Variants in CCHCR1 observed in about 807,000 individuals in gnomAD.
CCHCR1 encodes HCR (a-helix coiled-coil rod homologue).
A neutral mutation model predicts 114.6 loss-of-function variants in CCHCR1; 91 were observed. That is an observed-to-expected ratio of 0.79 (90% confidence interval 0.67 to 0.94). CCHCR1 has a LOEUF of 0.94. Among genes scored for constraint, CCHCR1 ranks in the 40% least tolerant of loss-of-function variants. The pLI is 0.00. For synonymous variants in CCHCR1, 379 were observed against 428.5 expected (o/e 0.88, Z 1.43); for missense variants, 899 against 1,079.9 (o/e 0.83, Z 2.35).
chr6:31,156,631 C>T (rs1430737879), intron 3 of CCHCR1, 100 bp downstream of exon 3: 8 of 965,736 alleles, frequency 8.3e-6, no homozygotes, highest in East Asian at 2.4e-5. Context: ...AAAATGAGTA[C>T]GTTCTGGAAA....
chr6:31,150,598 G>T lies in CCHCR1; in HGVS notation c.1102-33C>A. 2 of 1,596,312 alleles carry T rather than the reference G, an allele frequency of 1.3e-6. No individual in the cohort carries two copies. ...CAGAGGAAAGCAGCCCCTCTGTAGG[G>T]CCTCCATGCCGCCTTAGGTACCACC... On this transcript the variant is annotated intron_variant, in intron 6 of 17. Transcript: ENST00000396268. This position sits in a 1 kb window ranked among gnomAD's most constrained non-coding sequence, Gnocchi z 5.3.
chr6:31,152,279 C>T (rs1775342401), intron 4 of CCHCR1, among the ~76,000 whole-genome samples: 1 of 60,776 alleles, frequency 1.6e-5, no homozygotes, highest in African/African-American at 6.1e-5. Context: ...GAGACTCCAT[C>T]TCAAAAAAAA....
chr6:31,142,986 A>C lies in CCHCR1; in HGVS notation c.2468T>G (p.Val823Gly), dbSNP rs771541490. The C allele has an allele frequency of 3.1e-6, 5 of 1,612,696 alleles. No homozygotes were observed. The highest frequency in any genetic ancestry group is 1.7e-5 in the Admixed American group (1 of 60,000). ...ACCTTTTATGGACTCCCTGGTGGGCACTGCTGCTGCTACAGGTGCAGATGC... is the reference window on the plus strand; with the variant it reads ...ACCTTTTATGGACTCCCTGGTGGGCCCTGCTGCTGCTACAGGTGCAGATGC... ...CSASAPVAAA[V>G]PTRESIKGSL... The change falls in exon 17 of 18, where the codon GTG (valine) becomes GGG (glycine). Residue 823 changes from valine (V) to glycine (G), a missense_variant. Transcript: ENST00000396268.
Position 31,150,066 on chromosome 6 carries a change from C to T in CCHCR1, c.1362G>A (p.Gln454=). 1 of 1,614,158 alleles carries T rather than the reference C, an allele frequency of 6.2e-7. No individual in the cohort carries two copies. The highest frequency in any genetic ancestry group is 8.5e-7 in the Non-Finnish European group (1 of 1,180,014). ...CCGGGAGAAAAGAGAGTGCAGTGAC[C>T]TGTCCCTTCAGCTGCTTAACAGAGT... ...HSDSVKQLKG[Q]VASLQEKVTS... The change falls in exon 8 of 18, where the codon CAG becomes CAA. Residue 454 remains glutamine, a splice_region_variant and synonymous_variant. Transcript: ENST00000396268. The surrounding 1 kb of genome is among the most constrained non-coding windows in gnomAD (Gnocchi z 5.3).
intron 10 of CCHCR1, among the ~76,000 whole-genome samples, chr6:31,146,524 G>A (rs1024284331): frequency 2.0e-5 from 3 of 152,056 alleles, no homozygotes; most frequent in African/African-American, 2.4e-5. Flanking sequence ...GTCTGGGGCC[G>A]GGCTGGGGTT....
Position 31,154,348 on chromosome 6 carries a change from GGCCATGTGTGTTTATTTTC to G in CCHCR1, c.801+129_801+147del, listed in dbSNP as rs1581964011. On this transcript the variant is annotated intron_variant, in intron 4 of 17. Coordinates refer to ENST00000396268, the MANE Select transcript of CCHCR1 (RefSeq NM_001105564.2). This position sits in a 1 kb window ranked among gnomAD's most constrained non-coding sequence, Gnocchi z 4.1. ...AGTACCCAAATTCTCCATCTTTCTA[GGCCATGTGTGTTTATTTTC>G]ACCAAAGGTCTCATCACTCTACTAC... 2.9e-6 allele frequency: 2 copies of G among 683,206 alleles called. No individual in the cohort carries two copies. The highest frequency in any genetic ancestry group is 5.1e-5 in the East Asian group (2 of 38,848). The allele number at this position is 683,206 out of a possible 1,614,324, so 42.3% of individuals were successfully genotyped here.
In CCHCR1 at chr6:31,144,857, A is replaced by G. The variant is rs770431424; in HGVS notation, c.2065+28T>C. The G allele has an allele frequency of 2.5e-5, 41 of 1,611,660 alleles. No individual in the cohort carries two copies. Among genetic ancestry groups the G allele is most frequent in the Non-Finnish European group, 3.3e-5 (39 of 1,178,186 alleles). The stretch of plus-strand genomic sequence containing the variant: ...TTCGCAGTTCCCACCCCACCCTCCA[A>G]GGGAAGCACCCATTTCCCTCTCGAC... On this transcript the variant is annotated intron_variant, in intron 14 of 17. Transcript: ENST00000396268. The surrounding 1 kb of genome is among the most constrained non-coding windows in gnomAD (Gnocchi z 4.6).
At position 31,144,249 on chromosome 6, in the gene CCHCR1, A is replaced by G. The variant is rs923414529; in HGVS notation, c.2167+438T>C. Among the ~76,000 whole-genome samples the G allele has an allele frequency of 6.6e-5, 10 of 152,110 alleles. No homozygotes were observed. Among genetic ancestry groups the G allele is most frequent in the African/African-American group, 2.2e-4 (9 of 41,420 alleles). The stretch of plus-strand genomic sequence containing the variant: ...TTCTCTATCACCCAGGCTTGAGTGC[A>G]GTGGCACAATCTTGGCTCACTGCAG... On this transcript the variant is annotated intron_variant, in intron 15 of 17. Transcript: ENST00000396268. This position sits in a 1 kb window ranked among gnomAD's most constrained non-coding sequence, Gnocchi z 4.6.
intron 3 of CCHCR1, 61 bp downstream of exon 3, chr6:31,156,670 T>C: frequency 7.0e-7 from 1 of 1,426,286 alleles, no homozygotes; most frequent in Non-Finnish European, 9.7e-7. Flanking sequence ...AAGGAGTTTA[T>C]TCCAGTGAGG....
intron 10 of CCHCR1, among the ~76,000 whole-genome samples, chr6:31,147,541 T>C (rs1441290365): frequency 6.6e-6 from 1 of 152,036 alleles, no homozygotes; most frequent in Non-Finnish European, 1.5e-5. Flanking sequence ...TTGTAGGTAA[T>C]GAAACAACTA....
Position 31,151,154 on chromosome 6 carries a change from T to C in CCHCR1, c.802-32A>G. On this transcript the variant is annotated intron_variant, in intron 4 of 17. Coordinates refer to ENST00000396268, the MANE Select transcript of CCHCR1 (RefSeq NM_001105564.2). This position sits in a 1 kb window ranked among gnomAD's most constrained non-coding sequence, Gnocchi z 4.1. Reference sequence around the variant, plus strand: ...AAAGAAGAGGGGGCTCAGCAGAGGCTCGACCCCACATGGAGGCCTTCCTTG... The same window carrying C: ...AAAGAAGAGGGGGCTCAGCAGAGGCCCGACCCCACATGGAGGCCTTCCTTG... The C allele has an allele frequency of 6.3e-7, 1 of 1,596,718 alleles. No individual in the cohort carries two copies. The highest frequency in any genetic ancestry group is 8.5e-7 in the Non-Finnish European group (1 of 1,172,748).
chr6:31,145,074 C>A lies in CCHCR1; in HGVS notation c.1877-1G>T. 6.2e-7 allele frequency: 1 copy of A among 1,600,058 alleles called. No individual in the cohort carries two copies. Among genetic ancestry groups the A allele is most frequent in the Non-Finnish European group, 8.5e-7 (1 of 1,176,462 alleles). On this transcript the variant is annotated splice_acceptor_variant, in intron 13 of 17. Coordinates refer to ENST00000396268, the MANE Select transcript of CCHCR1 (RefSeq NM_001105564.2). LOFTEE classifies it high-confidence loss of function. ...CTCAGCTGCTGCCGCTCTGCCTCCC[C>A]TAAAAGGAGGGGGTGCTGGGTCAGG...
At chr6:31,142,805 G>C in intron 17 of CCHCR1, 89 bp from the exon 18 acceptor site, 2 of 1,540,902 alleles carry the variant, frequency 1.3e-6, no homozygotes, top group Non-Finnish European at 1.8e-6. Flanking sequence ...AATGAGGAAT[G>C]GGAGAGAGGA....
rs1417373769 is a variant in CCHCR1 at position 31,150,469 on chromosome 6, C to T, written c.1198G>A (p.Glu400Lys). The stretch of plus-strand genomic sequence containing the variant: ...TTGGGCTGTACCTTCCTGGTCAGCT[C>T]CTCCTCCTGCAGGGCGAGGATGTGT... ...LTHILALQEE[E>K]LTRKVQPSDS... Residue 400 changes from glutamate (E) to lysine (K), a missense_variant, in exon 7 of 18, where the codon GAG becomes AAG. Coordinates refer to ENST00000396268, the MANE Select transcript of CCHCR1 (RefSeq NM_001105564.2). This position sits in a 1 kb window ranked among gnomAD's most constrained non-coding sequence, Gnocchi z 5.3. 6.8e-6 allele frequency: 11 copies of T among 1,611,888 alleles called. No individual in the cohort carries two copies. Among genetic ancestry groups the T allele is most frequent in the Non-Finnish European group, 9.3e-6 (11 of 1,179,586 alleles).
Position 31,142,943 on chromosome 6 carries a change from C to G in CCHCR1, c.2491+20G>C. ...AAGTGCGCGCATTTGTCCCTTGTCC[C>G]TTTGTGCTTGGCCCAAGACCTTTTA... On this transcript the variant is annotated intron_variant, in intron 17 of 17. Transcript: ENST00000396268. 1 of 1,609,094 alleles carries G rather than the reference C, an allele frequency of 6.2e-7. No individual in the cohort carries two copies. The highest frequency in any genetic ancestry group is 2.2e-5 in the East Asian group (1 of 44,868).
At chr6:31,153,064 G>C (rs9263774) in intron 4 of CCHCR1, among the ~76,000 whole-genome samples, 22,186 of 152,050 alleles carry the variant, frequency 0.15, 1,736 homozygotes, top group African/African-American at 0.16. Context: ...TGTAACCTCT[G>C]TCTCCCAGGT....
Position 31,143,211 on chromosome 6 carries a change from C to T in CCHCR1, c.2319+51G>A, listed in dbSNP as rs1263256033. 1.9e-6 allele frequency: 3 copies of T among 1,610,696 alleles called. No individual in the cohort carries two copies. Among genetic ancestry groups the T allele is most frequent in the Non-Finnish European group, 1.7e-6 (2 of 1,178,826 alleles). On this transcript the variant is annotated intron_variant, in intron 16 of 17. Transcript: ENST00000396268. This position sits in a 1 kb window ranked among gnomAD's most constrained non-coding sequence, Gnocchi z 5.3. ...TCTTTCCACACCTCTAGCCCAGGAA[C>T]CAGCCCAGGATGGGCCCTAGTGTCT... is the stretch of plus-strand genomic sequence containing the variant.
At position 31,150,241 on chromosome 6, in the gene CCHCR1, G is replaced by C. The variant is rs941837054; in HGVS notation, c.1213-26C>G. On this transcript the variant is annotated intron_variant, in intron 7 of 17. Transcript: ENST00000396268. This position sits in a 1 kb window ranked among gnomAD's most constrained non-coding sequence, Gnocchi z 5.3. ...CTGAGGGAGAAGGAGTGGGAGAAAA[G>C]TGTGGGCTCCTGGGGGAGGAGAGGA... 6.2e-7 allele frequency: 1 copy of C among 1,612,706 alleles called. No homozygotes were observed. Among genetic ancestry groups the C allele is most frequent in the Non-Finnish European group, 8.5e-7 (1 of 1,179,064 alleles).
Position 31,145,316 on chromosome 6 carries a change from G to A in CCHCR1, c.1740-14C>T. ...GGTAGGGGACAGCTGGGACGGGGAA[G>A]AGAAAGAGTCAGAAGAAATCACCCA... On this transcript the variant is annotated splice_polypyrimidine_tract_variant and intron_variant, in intron 12 of 17. Transcript: ENST00000396268. 6.2e-7 allele frequency: 1 copy of A among 1,613,792 alleles called. No individual in the cohort carries two copies. The highest frequency in any genetic ancestry group is 1.3e-5 in the African/African-American group (1 of 75,042).
Sources: allele counts gnomAD v4.1 joint callset (sites outside exome capture counted in the v4.1 genomes callset), GRCh38; gene constraint gnomAD v4.1.1; non-coding constraint Gnocchi (gnomAD v3.1); transcripts MANE v1.5; gene names NCBI Gene and HGNC (gene_info 2026-07-23, HGNC 2026-07-21).